The following DPP10 variants were observed in gnomAD, a reference collection of about 807,000 sequenced individuals.
The protein encoded by DPP10 is inactive dipeptidyl peptidase 10.
A neutral mutation model predicts 120.9 loss-of-function variants in DPP10; 33 were observed. That is an observed-to-expected ratio of 0.27 (90% CI 0.21 to 0.37). DPP10 has a LOEUF of 0.37. Among genes scored for constraint, DPP10 ranks in the 10% least tolerant of loss-of-function variants. DPP10 has a pLI of 1.00. For synonymous variants in DPP10, 337 were observed against 326.1 expected, an observed-to-expected ratio of 1.03 and a Z score of -0.36; for missense variants, 816 against 942.8, an observed-to-expected ratio of 0.87 and a Z score of 1.76.
At chr2:114,838,627 T>A (rs985157830) in intron 1 of DPP10, among the ~76,000 whole-genome samples, 7 of 152,312 alleles carry the variant, frequency 4.6e-5, no homozygotes, top group African/African-American at 1.7e-4. Flanking sequence ...TTTAAATTTT[T>A]AAATTTTAAA....
chr2:114,990,225 A>T (rs1419594028), intron 1 of DPP10, among the ~76,000 whole-genome samples: 1 of 152,184 alleles, frequency 6.6e-6, no homozygotes, highest in Non-Finnish European at 1.5e-5. Context: ...ATGTATAAAC[A>T]TGTGGTCATA....
In DPP10 at chr2:114,724,798, A is replaced by G. The variant is rs555475930; in HGVS notation, c.60+281960A>G. On this transcript the variant is annotated intron_variant, in intron 1 of 25. Coordinates refer to ENST00000410059, the MANE Select transcript of DPP10 (RefSeq NM_020868.6). ...CACTCCCCTGTCCAATCAGAGTTGT[A>G]GTGATCTGGGTTATAAATAAGAGGT... Among the ~76,000 whole-genome samples, 9 of 152,286 alleles carry G rather than the reference A, an allele frequency of 5.9e-5. No homozygotes were observed. In the East Asian group the frequency reaches 1.7e-3, roughly 30 times the overall value.
At chr2:114,718,933 T>A (rs1701529378) in intron 1 of DPP10, among the ~76,000 whole-genome samples, 1 of 152,188 alleles carries the variant, frequency 6.6e-6, no homozygotes, top group African/African-American at 2.4e-5. Flanking sequence ...TCTCAAATGT[T>A]GAAATAAAGA....
At chr2:114,535,333 G>T (rs1017967121) in intron 1 of DPP10, among the ~76,000 whole-genome samples, 1 of 152,074 alleles carries the variant, frequency 6.6e-6, no homozygotes, top group Non-Finnish European at 1.5e-5. Flanking sequence ...ATTAAGTTTA[G>T]GATAGTCAAG....
chr2:115,020,942 G>T (rs188786444), intron 1 of DPP10, among the ~76,000 whole-genome samples: 1 of 152,046 alleles, frequency 6.6e-6, no homozygotes, highest in African/African-American at 2.4e-5. Context: ...ATAAAATCCA[G>T]ATGAAAATTT....
rs186671550 is a variant in DPP10 at position 115,755,538 on chromosome 2, G to A, written c.1074+2241G>A. On this transcript the variant is annotated intron_variant, in intron 11 of 25. Transcript: ENST00000410059. ...CTCAAAATGAATTAAAAACTGAACC[G>A]TAATTTCCAAAGCTATAAAACTACT... Among the ~76,000 whole-genome samples, 44 of 152,000 alleles carry A rather than the reference G, an allele frequency of 2.9e-4. No individual in the cohort carries two copies. The East Asian group carries it at 7.4e-3, about 25-fold the overall frequency.
In DPP10 at chr2:114,689,739, C is replaced by T. The variant is rs986236008; in HGVS notation, c.60+246901C>T. On this transcript the variant is annotated intron_variant, in intron 1 of 25. Transcript: ENST00000410059. ...TCCTTTTTGTCTGCAACCTCACTAGCATTTGTTGTTTTTTTGGCTTTTTAA... is the reference window on the plus strand; with the variant it reads ...TCCTTTTTGTCTGCAACCTCACTAGTATTTGTTGTTTTTTTGGCTTTTTAA... 1.3e-5 allele frequency among the ~76,000 whole-genome samples: 2 copies of T among 152,084 alleles called. 1 individual carries two copies. The highest frequency in any genetic ancestry group is 1.3e-4 in the Admixed American group (2 of 15,256).
intron 1 of DPP10, among the ~76,000 whole-genome samples, chr2:115,291,816 G>A (rs891862369): frequency 1.3e-5 from 2 of 151,990 alleles, no homozygotes; most frequent in African/African-American, 2.4e-5. Flanking sequence ...ACCAAGGCTC[G>A]GGTGGCTGCT....
rs1191611855 is a variant in DPP10 at position 115,189,679 on chromosome 2, C to T, written c.61-119560C>T. Among the ~76,000 whole-genome samples, 6 of 152,226 alleles carry T rather than the reference C, an allele frequency of 3.9e-5. No homozygotes were observed. In the East Asian group the frequency reaches 9.7e-4, roughly 25 times the overall value. ...CTGCTTGATTCTCTAAAAGAAAAAA[C>T]TTCTCTGAATAAGGTGGAGGAGAAT... On this transcript the variant is annotated intron_variant, in intron 1 of 25. Coordinates refer to ENST00000410059, the MANE Select transcript of DPP10 (RefSeq NM_020868.6).
At chr2:114,827,998 T>C (rs1317325164) in intron 1 of DPP10, among the ~76,000 whole-genome samples, 1 of 152,210 alleles carries the variant, frequency 6.6e-6, no homozygotes, top group Non-Finnish European at 1.5e-5. Context: ...TCTTGCTTTG[T>C]AGAAAAAAAC....
intron 1 of DPP10, among the ~76,000 whole-genome samples, chr2:114,925,906 C>A (rs557073319): frequency 6.6e-6 from 1 of 152,290 alleles, no homozygotes; most frequent in South Asian, 2.1e-4. Context: ...AGCAGACAGT[C>A]TGACAAGCTT....
intron 1 of DPP10, among the ~76,000 whole-genome samples, chr2:115,268,061 T>C (rs926568979): frequency 2.0e-5 from 3 of 152,224 alleles, no homozygotes; most frequent in African/African-American, 7.2e-5. Flanking sequence ...TTTATTGATG[T>C]TGTTTAATTA....
intron 1 of DPP10, among the ~76,000 whole-genome samples, chr2:114,830,099 T>C (rs1458101983): frequency 2.6e-5 from 4 of 152,096 alleles, no homozygotes; most frequent in Admixed American, 2.6e-4. Flanking sequence ...AGTAGGTAGG[T>C]CTCTCCCACC....
intron 1 of DPP10, among the ~76,000 whole-genome samples, chr2:114,783,510 T>C (rs1682505982): frequency 6.6e-6 from 1 of 152,090 alleles, no homozygotes; most frequent in African/African-American, 2.4e-5. Context: ...ACATAAAATA[T>C]TTGCATTTTA....
In DPP10 at chr2:115,843,200, T is replaced by C. The variant is rs1027461211; in HGVS notation, c.*855T>C. ...TTCCTATAAATGTTTGGGTTGTGTT[T>C]GGTATTGTTTTTAGTGGTTAATAGT... On this transcript the variant is annotated 3_prime_UTR_variant, in exon 26 of 26. Coordinates refer to ENST00000410059, the MANE Select transcript of DPP10 (RefSeq NM_020868.6). 5 of 152,642 alleles carry C rather than the reference T, an allele frequency of 3.3e-5. No individual in the cohort carries two copies. The highest frequency in any genetic ancestry group is 7.2e-5 in the African/African-American group (3 of 41,464). The allele number at this position is 152,642 out of a possible 1,614,324, so 9.5% of individuals were successfully genotyped here.
chr2:115,516,501 T>A (rs2077510248), intron 4 of DPP10, among the ~76,000 whole-genome samples: 1 of 151,334 alleles, frequency 6.6e-6, no homozygotes, highest in South Asian at 2.1e-4. Context: ...ACAGGAGGTA[T>A]AATGTTACAT....
intron 1 of DPP10, among the ~76,000 whole-genome samples, chr2:114,767,103 G>GAAAAAAAAAAAAAA: frequency 2.1e-5 from 1 of 48,054 alleles, no homozygotes; most frequent in Non-Finnish European, 4.5e-5. Flanking sequence ...ATCAAAACTA[G>GAAAAAAAAAAAAAA]AAAAAAAAAA....
chr2:114,787,003 C>A (rs941973005), intron 1 of DPP10, among the ~76,000 whole-genome samples: 1 of 152,162 alleles, frequency 6.6e-6, no homozygotes, highest in African/African-American at 2.4e-5. Context: ...GGGATACATC[C>A]TCCTCTCTCT....
intron 3 of DPP10, among the ~76,000 whole-genome samples, chr2:115,467,699 G>A (rs970340005): frequency 1.3e-5 from 2 of 152,132 alleles, no homozygotes; most frequent in Non-Finnish European, 2.9e-5. Flanking sequence ...AGAGTACAAG[G>A]CATCTGGAAT....
Sources: gnomAD v4.1 joint callset for allele counts (sites outside exome capture counted in the v4.1 genomes callset) on GRCh38, gnomAD v4.1.1 for gene constraint, MANE v1.5 for transcripts, NCBI Gene and HGNC (gene_info 2026-07-23, HGNC 2026-07-21) for gene names.